Variants in HMGN5 observed in about 807,000 individuals in gnomAD.
HMGN5 encodes high mobility group nucleosome-binding domain-containing protein 5.
In HMGN5, 4 loss-of-function variants were observed where a neutral mutation model predicts 9.5. The observed-to-expected ratio is 0.42, with a 90% CI of 0.21 to 0.96. The LOEUF is 0.96. Among genes scored for constraint, HMGN5 ranks in the 40% least tolerant of loss-of-function variants. The probability of loss-of-function intolerance (pLI) is 0.30; values close to 1 mark genes in which losing one functional copy is unlikely to be tolerated. For missense variants in HMGN5, 192 were observed against 187.5 expected, an observed-to-expected ratio of 1.02 and a Z score of -0.14; for synonymous variants, 55 against 57.1, an observed-to-expected ratio of 0.96 and a Z score of 0.16.
At chrX:81,180,853 T>A (rs1477447831) in intron 1 of HMGN5, among the ~76,000 whole-genome samples, 1 of 111,880 alleles carries the variant, frequency 8.9e-6, no homozygotes, top group African/African-American at 3.2e-5. Flanking sequence ...ATGTACACCA[T>A]GGAATACTAT....
At chrX:81,189,499 CT>C (rs2075488031) in intron 1 of HMGN5, among the ~76,000 whole-genome samples, 2 of 112,085 alleles carry the variant, frequency 1.8e-5, no homozygotes, top group Non-Finnish European at 3.8e-5. Flanking sequence ...CCTTTTCAGA[CT>C]AGCTTATTTC....
chrX:81,160,120 G>A lies in HMGN5; in HGVS notation c.-123-38448C>T, dbSNP rs149114263. Among the ~76,000 whole-genome samples, 806 of 111,675 alleles carry A rather than the reference G, an allele frequency of 7.2e-3. 8 individuals are homozygous for A. The highest frequency in any genetic ancestry group is 0.025 in the African/African-American group (773 of 30,808). On this transcript the variant is annotated intron_variant, in intron 1 of 6. Coordinates refer to ENST00000358130, the MANE Select transcript of HMGN5 (RefSeq NM_030763.3). The stretch of plus-strand genomic sequence containing the variant: ...CAGCCCATTCAGAATTGTATTTACT[G>A]TATAATCTCAATTCTCAATCCCATA...
At chrX:81,158,340 T>C (rs1308196843) in intron 1 of HMGN5, among the ~76,000 whole-genome samples, 1 of 111,970 alleles carries the variant, frequency 8.9e-6, no homozygotes, top group African/African-American at 3.2e-5. Context: ...CTGTTGTTTC[T>C]TGACTTTCTA....
intron 1 of HMGN5, among the ~76,000 whole-genome samples, chrX:81,131,171 G>T (rs776901758): frequency 1.8e-5 from 2 of 111,656 alleles, no homozygotes; most frequent in South Asian, 3.7e-4. Flanking sequence ...ACATTTGCCA[G>T]TGTGTCCCCG....
chrX:81,187,050 G>A (rs1211385447), intron 1 of HMGN5, among the ~76,000 whole-genome samples: 5 of 111,184 alleles, frequency 4.5e-5, no homozygotes, highest in Non-Finnish European at 9.4e-5. Flanking sequence ...ATTCCATGTG[G>A]TTAGAGAAGA....
intron 1 of HMGN5, among the ~76,000 whole-genome samples, chrX:81,149,469 G>C (rs889794819): frequency 9.0e-6 from 1 of 111,568 alleles, no homozygotes; most frequent in Non-Finnish European, 1.9e-5. Context: ...GGCCCTGTCA[G>C]GGGGTGGGGA....
chrX:81,173,260 G>A (rs1261203894), intron 1 of HMGN5, among the ~76,000 whole-genome samples: 1 of 110,689 alleles, frequency 9.0e-6, no homozygotes, highest in African/African-American at 3.3e-5. Flanking sequence ...AGAGTTCAGT[G>A]AAAAAAAGCA....
At chrX:81,189,994 C>T (rs1040758511) in intron 1 of HMGN5, among the ~76,000 whole-genome samples, 1 of 112,263 alleles carries the variant, frequency 8.9e-6, no homozygotes, top group African/African-American at 3.2e-5. Context: ...AGCTGAGCAT[C>T]TTTTCAAATG....
chrX:81,117,870 T>C (rs1267622953), intron 5 of HMGN5, among the ~76,000 whole-genome samples: 3 of 111,009 alleles, frequency 2.7e-5, no homozygotes, highest in African/African-American at 9.8e-5. Flanking sequence ...AATATTCTTA[T>C]GTATTAAGCA....
At chrX:81,154,669 GA>G (rs749206526) in intron 1 of HMGN5, among the ~76,000 whole-genome samples, 10 of 109,642 alleles carry the variant, frequency 9.1e-5, no homozygotes, top group Admixed American at 3.9e-4. Context: ...AACTCTATAG[GA>G]AAAAAAAGTA....
At chrX:81,143,689 T>C (rs1024498502) in intron 1 of HMGN5, among the ~76,000 whole-genome samples, 1 of 112,450 alleles carries the variant, frequency 8.9e-6, no homozygotes, top group Non-Finnish European at 1.9e-5. Flanking sequence ...GATCAGGAGA[T>C]TCCCTCTGGT....
intron 1 of HMGN5, among the ~76,000 whole-genome samples, chrX:81,143,386 G>T (rs2075334720): frequency 8.9e-6 from 1 of 112,190 alleles, no homozygotes; most frequent in Non-Finnish European, 1.9e-5. Context: ...TGGCAAGGTG[G>T]CTGAATAGGA....
At chrX:81,183,163 T>C (rs2075467594) in intron 1 of HMGN5, among the ~76,000 whole-genome samples, 1 of 112,101 alleles carries the variant, frequency 8.9e-6, no homozygotes, top group Non-Finnish European at 1.9e-5. Flanking sequence ...GCATAAAAGT[T>C]TGGAAAATTT....
At chrX:81,160,262 G>T (rs1399796746) in intron 1 of HMGN5, among the ~76,000 whole-genome samples, 1 of 112,197 alleles carries the variant, frequency 8.9e-6, no homozygotes, top group Non-Finnish European at 1.9e-5. Flanking sequence ...AGAAATCCCA[G>T]AAAATTTACT....
chrX:81,152,380 A>C (rs2075365978), intron 1 of HMGN5, among the ~76,000 whole-genome samples: 1 of 112,073 alleles, frequency 8.9e-6, no homozygotes, highest in East Asian at 2.8e-4. Context: ...TGCAGCCAAA[A>C]AACACATGAA....
intron 1 of HMGN5, among the ~76,000 whole-genome samples, chrX:81,149,617 T>C (rs944077233): frequency 2.7e-5 from 3 of 111,725 alleles, no homozygotes; most frequent in Non-Finnish European, 5.6e-5. Context: ...ACTTGAAGTA[T>C]AATAATAAAA....
rs190975449 is a variant in HMGN5 at position 81,180,147 on chromosome X, G to A, written c.-124+21590C>T. Among the ~76,000 whole-genome samples, 696 of 111,612 alleles carry A rather than the reference G, an allele frequency of 6.2e-3. 1 individual carries two copies. Among genetic ancestry groups the A allele is most frequent in the Non-Finnish European group, 8.9e-3 (473 of 53,092 alleles). On this transcript the variant is annotated intron_variant, in intron 1 of 6. Transcript: ENST00000358130. The stretch of plus-strand genomic sequence containing the variant: ...CCATTCAGGACACAGGCATGGGCAA[G>A]GGCTTCATGTCTAAAACACCAAAAG...
At chrX:81,153,639 A>G (rs1218526398) in intron 1 of HMGN5, among the ~76,000 whole-genome samples, 8 of 45,899 alleles carry the variant, frequency 1.7e-4, no homozygotes, top group Admixed American at 2.7e-4. Flanking sequence ...ATATATATAT[A>G]TGTATCTCCT....
intron 1 of HMGN5, among the ~76,000 whole-genome samples, chrX:81,181,682 T>C (rs893713511): frequency 3.6e-5 from 4 of 111,801 alleles, no homozygotes; most frequent in African/African-American, 1.3e-4. Context: ...CACCCACAAA[T>C]AAGTGAGAAT....
Sources: allele counts gnomAD v4.1 joint callset (sites outside exome capture counted in the v4.1 genomes callset), GRCh38; gene constraint gnomAD v4.1.1; transcripts MANE v1.5; gene names NCBI Gene and HGNC (gene_info 2026-07-23, HGNC 2026-07-21).